The following TEX11 variants were observed in gnomAD, a reference collection of about 807,000 sequenced individuals.
TEX11 encodes the protein testis expressed 11, also known as testis-expressed protein 11.
In TEX11, 7 loss-of-function variants were observed where a neutral mutation model predicts 84.4. The observed-to-expected ratio is 0.08, with a 90% CI of 0.05 to 0.16. The LOEUF (loss-of-function observed/expected upper bound fraction) is 0.16. TEX11 is among the 10% of genes least tolerant of loss of function. The pLI, the probability that TEX11 is intolerant of heterozygous loss-of-function variation, is 1.00. For synonymous variants in TEX11, 264 were observed against 222.8 expected, an observed-to-expected ratio of 1.18 and a Z score of -1.64; for missense variants, 551 against 660.5, an observed-to-expected ratio of 0.83 and a Z score of 1.82.
chrX:70,762,102 C>G (rs183807300), intron 9 of TEX11, among the ~76,000 whole-genome samples: 1 of 111,674 alleles, frequency 9.0e-6, no homozygotes, highest in African/African-American at 3.2e-5. Context: ...CTTTCCCAGA[C>G]AAACAAAAGC....
chrX:70,733,706 G>A (rs979233218), intron 11 of TEX11, among the ~76,000 whole-genome samples: 8 of 111,583 alleles, frequency 7.2e-5, no homozygotes, highest in African/African-American at 1.6e-4. Flanking sequence ...ACTACTGGTC[G>A]GACTGTAAAC....
chrX:70,828,718 A>T (rs1378450600), intron 8 of TEX11, among the ~76,000 whole-genome samples: 1 of 111,596 alleles, frequency 9.0e-6, no homozygotes, highest in Admixed American at 9.6e-5. Context: ...CTGGAGAAAG[A>T]TATCAACATT....
intron 14 of TEX11, among the ~76,000 whole-genome samples, chrX:70,679,511 C>G (rs1245115750): frequency 9.3e-6 from 1 of 107,335 alleles, no homozygotes; most frequent in African/African-American, 3.4e-5. Context: ...TCTTCCCGGC[C>G]GCCATCCCAT....
intron 7 of TEX11, among the ~76,000 whole-genome samples, chrX:70,838,899 T>A (rs2091422820): frequency 8.9e-6 from 1 of 112,222 alleles, no homozygotes; most frequent in Non-Finnish European, 1.9e-5. Context: ...AGCACAGCAG[T>A]CCGAGATCAA....
chrX:70,829,481 CAAAAAAAAAA>C (rs60664977), intron 8 of TEX11, among the ~76,000 whole-genome samples: 41,412 of 72,845 alleles, frequency 0.57, 7,317 homozygotes, highest in East Asian at 0.69. Context: ...CATTCCGTCT[CAAAAAAAAAA>C]AAAAAAAAAA....
chrX:70,806,123 A>G (rs1317793149), intron 9 of TEX11, among the ~76,000 whole-genome samples: 1 of 112,226 alleles, frequency 8.9e-6, no homozygotes, highest in Non-Finnish European at 1.9e-5. Flanking sequence ...AGAGATATAA[A>G]GGAGGAATGA....
intron 3 of TEX11, among the ~76,000 whole-genome samples, chrX:70,877,446 T>C (rs1011546754): frequency 2.7e-5 from 3 of 111,865 alleles, no homozygotes; most frequent in Non-Finnish European, 3.8e-5. Flanking sequence ...TAAAATGGTA[T>C]AGTTGCTATG....
chrX:70,576,362 T>G (rs750933912), intron 25 of TEX11, among the ~76,000 whole-genome samples: 12 of 112,376 alleles, frequency 1.1e-4, no homozygotes, highest in Admixed American at 1.9e-4. Context: ...GGCTCATTAT[T>G]TTAAGCATTA....
At chrX:70,879,151 G>A (rs2091670342) in intron 3 of TEX11, among the ~76,000 whole-genome samples, 1 of 110,792 alleles carries the variant, frequency 9.0e-6, no homozygotes. Flanking sequence ...AATGGAGAGT[G>A]TTTGTGAACG....
intron 16 of TEX11, 22 bp downstream of exon 16, chrX:70,670,355 G>A: frequency 8.3e-7 from 1 of 1,200,458 alleles, no homozygotes; most frequent in African/African-American, 1.7e-5. Flanking sequence ...TGCTACCTCT[G>A]AAAATAGATA....
In TEX11 at chrX:70,725,258, A is replaced by G; in HGVS notation, c.925+4T>C. On this transcript the variant is annotated splice_donor_region_variant and intron_variant, in intron 12 of 29. Coordinates refer to ENST00000374333, the MANE Select transcript of TEX11 (RefSeq NM_031276.3). ...GGTGTGCTCTTCACATACAGAGATCATACCTTCAAGGAGTTCTTCATTAGA... is the reference window on the plus strand; with the variant it reads ...GGTGTGCTCTTCACATACAGAGATCGTACCTTCAAGGAGTTCTTCATTAGA... 2 of 1,176,041 alleles carry G rather than the reference A, an allele frequency of 1.7e-6. No homozygotes were observed. Among genetic ancestry groups the G allele is most frequent in the South Asian group, 3.8e-5 (2 of 52,970 alleles).
intron 9 of TEX11, among the ~76,000 whole-genome samples, chrX:70,747,474 T>C (rs1468751628): frequency 8.9e-6 from 1 of 112,267 alleles, no homozygotes; most frequent in Non-Finnish European, 1.9e-5. Context: ...AGAAACTGTA[T>C]CTAGACTTGC....
At chrX:70,641,738 A>G (rs2089661465) in intron 17 of TEX11, among the ~76,000 whole-genome samples, 1 of 110,554 alleles carries the variant, frequency 9.0e-6, no homozygotes. Flanking sequence ...AAGACACAAC[A>G]TACCAGAATC....
intron 24 of TEX11, among the ~76,000 whole-genome samples, chrX:70,594,376 A>AGG: frequency 9.0e-6 from 1 of 111,477 alleles, no homozygotes; most frequent in African/African-American, 3.3e-5. Context: ...AATGCCAGGC[A>AGG]GTAATTTGAA....
At chrX:70,551,383 AG>A (rs2088211190) in intron 28 of TEX11, among the ~76,000 whole-genome samples, 1 of 111,184 alleles carries the variant, frequency 9.0e-6, no homozygotes, top group Non-Finnish European at 1.9e-5. Flanking sequence ...AAAAACTAAA[AG>A]TATAATTGAA....
chrX:70,529,306 C>T (rs1225470633), intron 29 of TEX11, 119 bp from the exon 30 acceptor site: 2 of 502,617 alleles, frequency 4.0e-6, no homozygotes, highest in Non-Finnish European at 6.8e-6. Flanking sequence ...TGAAGCATCT[C>T]AGATTTGGGG....
chrX:70,742,846 G>A (rs1352633686), intron 10 of TEX11, among the ~76,000 whole-genome samples: 1 of 110,705 alleles, frequency 9.0e-6, no homozygotes, highest in African/African-American at 3.3e-5. Flanking sequence ...AATCCTCCTG[G>A]CTTAGCCTCC....
intron 9 of TEX11, among the ~76,000 whole-genome samples, chrX:70,785,633 A>G (rs990645913): frequency 2.7e-5 from 3 of 112,165 alleles, no homozygotes; most frequent in African/African-American, 9.7e-5. Flanking sequence ...AAAAAATCAA[A>G]CAGCCCCATC....
At chrX:70,696,198 T>G (rs1254352955) in intron 13 of TEX11, among the ~76,000 whole-genome samples, 2 of 111,658 alleles carry the variant, frequency 1.8e-5, no homozygotes. Context: ...AACTTTAGCT[T>G]TGCCATATTC....
Sources: gnomAD v4.1 joint callset for allele counts (sites outside exome capture counted in the v4.1 genomes callset) on GRCh38, gnomAD v4.1.1 for gene constraint, MANE v1.5 for transcripts, NCBI Gene and HGNC (gene_info 2026-07-23, HGNC 2026-07-21) for gene names.